Variants in STAG1 observed in about 807,000 individuals in gnomAD.
STAG1 encodes STAG1 cohesin complex component, also known as cohesin subunit SA-1.
Under a neutral mutation model 170.9 loss-of-function variants are expected in STAG1, and 26 were observed. That is an observed-to-expected ratio of 0.15 (90% confidence interval 0.11 to 0.21). The LOEUF (loss-of-function observed/expected upper bound fraction) is 0.21, where lower values mean the gene tolerates loss of function less well. Among genes scored for constraint, STAG1 ranks in the 10% least tolerant of loss-of-function variants. The pLI is 1.00. For synonymous variants in STAG1, 514 were observed against 497.7 expected (o/e 1.03, Z -0.44); for missense variants, 964 against 1,509.5 (o/e 0.64, Z 5.99).
intron 1 of STAG1, among the ~76,000 whole-genome samples, chr3:136,693,047 G>C (rs1037256174): frequency 6.6e-6 from 1 of 152,228 alleles, no homozygotes; most frequent in Non-Finnish European, 1.5e-5. Context: ...GAACTATCCA[G>C]TTTATCAAAC....
At chr3:136,683,265 AC>A (rs1464753254) in intron 1 of STAG1, among the ~76,000 whole-genome samples, 1 of 93,118 alleles carries the variant, frequency 1.1e-5, no homozygotes, top group Admixed American at 8.8e-5. Context: ...GTATTTCAAC[AC>A]AATTTTTTTT....
At chr3:136,583,302 T>C (rs1046352131) in intron 4 of STAG1, among the ~76,000 whole-genome samples, 3 of 152,208 alleles carry the variant, frequency 2.0e-5, no homozygotes, top group Admixed American at 6.5e-5. Context: ...AATTTTAACA[T>C]GATGTATTCT....
intron 30 of STAG1, among the ~76,000 whole-genome samples, chr3:136,342,352 C>T (rs1430559963): frequency 6.7e-6 from 1 of 148,372 alleles, no homozygotes; most frequent in Non-Finnish European, 1.5e-5. Flanking sequence ...GGTTCTCACT[C>T]TTGTCACCCA....
intron 1 of STAG1, among the ~76,000 whole-genome samples, chr3:136,686,816 A>T (rs1196978088): frequency 2.0e-5 from 3 of 152,210 alleles, no homozygotes; most frequent in Non-Finnish European, 4.4e-5. Flanking sequence ...GCAAATGCAT[A>T]AATGCCTCCT....
intron 1 of STAG1, among the ~76,000 whole-genome samples, chr3:136,715,025 A>C (rs1159529979): frequency 5.9e-4 from 74 of 124,558 alleles, no homozygotes; most frequent in African/African-American, 2.0e-3. Context: ...AAATATATAT[A>C]TAAAATAAAA....
At chr3:136,571,523 C>T (rs1019784318) in intron 4 of STAG1, among the ~76,000 whole-genome samples, 4 of 152,040 alleles carry the variant, frequency 2.6e-5, no homozygotes, top group Admixed American at 6.5e-5. Flanking sequence ...GAGCAAAGAT[C>T]GCACCACTGC....
chr3:136,666,042 T>C (rs1941752916), intron 1 of STAG1, among the ~76,000 whole-genome samples: 1 of 114,396 alleles, frequency 8.7e-6, no homozygotes, highest in Admixed American at 1.3e-4. Flanking sequence ...GCCACTGCAC[T>C]CCAGCCTGGG....
chr3:136,451,717 C>T (rs1399724374), intron 14 of STAG1, among the ~76,000 whole-genome samples: 1 of 151,466 alleles, frequency 6.6e-6, no homozygotes, highest in Non-Finnish European at 1.5e-5. Context: ...GAGCCGAGAT[C>T]GCACCACTGT....
chr3:136,464,051 AAAT>A (rs1403245305), intron 13 of STAG1, among the ~76,000 whole-genome samples: 3 of 151,798 alleles, frequency 2.0e-5, no homozygotes, highest in Non-Finnish European at 4.4e-5. Context: ...CTTTACAAAA[AAAT>A]AAGGTTTAAA....
intron 4 of STAG1, among the ~76,000 whole-genome samples, chr3:136,590,872 C>T (rs756005023): frequency 3.3e-5 from 5 of 151,976 alleles, no homozygotes; most frequent in Admixed American, 6.6e-5. Flanking sequence ...CACTGATGGA[C>T]GTAAATATTT....
chr3:136,526,889 A>C (rs1935058351), intron 6 of STAG1, among the ~76,000 whole-genome samples: 1 of 152,192 alleles, frequency 6.6e-6, no homozygotes, highest in Non-Finnish European at 1.5e-5. Flanking sequence ...TGGGTTGAAA[A>C]TTCTTTTCTT....
At chr3:136,625,117 A>G (rs991159977) in intron 2 of STAG1, among the ~76,000 whole-genome samples, 1 of 152,258 alleles carries the variant, frequency 6.6e-6, no homozygotes, top group Admixed American at 6.5e-5. Flanking sequence ...AGACAGCATG[A>G]ACAAGAATCT....
chr3:136,733,865 C>T (rs1292919817), intron 1 of STAG1, among the ~76,000 whole-genome samples: 6 of 152,286 alleles, frequency 3.9e-5, no homozygotes, highest in Non-Finnish European at 8.8e-5. Context: ...CCCAGCGCTT[C>T]AGGAGGCCAA....
rs557144994 is a variant in STAG1, at chr3:136,735,931, C to G, written c.-84+16264G>C. Reference sequence around the variant, plus strand: ...TTGGGGTGGCGTAGGCCTCATGCCACGCTGATTGGTCAGTAGACGGGGGCA... The same window carrying G: ...TTGGGGTGGCGTAGGCCTCATGCCAGGCTGATTGGTCAGTAGACGGGGGCA... On this transcript the variant is annotated intron_variant, in intron 1 of 33. Transcript: ENST00000383202. Among the ~76,000 whole-genome samples the G allele has an allele frequency of 9.2e-5, 14 of 152,312 alleles. No individual in the cohort carries two copies. In the South Asian group the frequency reaches 2.9e-3, roughly 32 times the overall value.
At chr3:136,373,799 G>A (rs1487261710) in intron 23 of STAG1, among the ~76,000 whole-genome samples, 3 of 152,178 alleles carry the variant, frequency 2.0e-5, no homozygotes, top group African/African-American at 7.2e-5. Flanking sequence ...TAGGTGTGGT[G>A]CTGAAAAGAA....
In STAG1 at chr3:136,430,806, G is replaced by GACAGACAC. The variant is rs778171419; in HGVS notation, c.1650+2749_1650+2750insGTGTCTGT. ...TAAGAGAAGGAAACAGACATAGACA[G>GACAGACAC]ACACACACACACACACACACACACA... On this transcript the variant is annotated intron_variant, in intron 16 of 33. Coordinates refer to ENST00000383202, the MANE Select transcript of STAG1 (RefSeq NM_005862.3). Among the ~76,000 whole-genome samples the GACAGACAC allele has an allele frequency of 2.3e-3, 304 of 131,154 alleles. 3 individuals are homozygous for GACAGACAC. The highest frequency in any genetic ancestry group is 8.4e-3 in the African/African-American group (291 of 34,822). 86.0% of individuals were successfully genotyped at this position (131,154 alleles called of 152,430 possible).
In STAG1 at chr3:136,454,523, C is replaced by T. The variant is rs555174296; in HGVS notation, c.1314-2376G>A. ...CCTCTGGAGTAGATAAGATTACAGG[C>T]GTGTGCCACCATGCCAGGCCAATTT... is the stretch of plus-strand genomic sequence containing the variant. On this transcript the variant is annotated intron_variant, in intron 13 of 33. Coordinates refer to ENST00000383202, the MANE Select transcript of STAG1 (RefSeq NM_005862.3). Among the ~76,000 whole-genome samples, 9 of 150,286 alleles carry T rather than the reference C, an allele frequency of 6.0e-5. No individual in the cohort carries two copies. The East Asian group carries it at 9.9e-4, about 17-fold the overall frequency.
intron 4 of STAG1, among the ~76,000 whole-genome samples, chr3:136,576,323 T>C (rs758632455): frequency 2.6e-5 from 4 of 152,164 alleles, no homozygotes; most frequent in East Asian, 3.9e-4. Flanking sequence ...GGAAAAGGTA[T>C]GGAAAAATTC....
intron 1 of STAG1, among the ~76,000 whole-genome samples, chr3:136,671,456 C>T (rs1559942011): frequency 6.6e-6 from 1 of 151,980 alleles, no homozygotes; most frequent in Non-Finnish European, 1.5e-5. Context: ...GAAGAAAAGG[C>T]TAAAAGTTAC....
Sources: gnomAD v4.1 joint callset for allele counts (sites outside exome capture counted in the v4.1 genomes callset) on GRCh38, gnomAD v4.1.1 for gene constraint, MANE v1.5 for transcripts, NCBI Gene and HGNC (gene_info 2026-07-23, HGNC 2026-07-21) for gene names.